Variants in PRDM2 observed in about 807,000 individuals in gnomAD.
The protein encoded by PRDM2 is PR domain zinc finger protein 2.
PRDM2 carries 30 observed loss-of-function variants against 130.0 expected under a neutral mutation model. That is an observed-to-expected ratio of 0.23 (90% confidence interval 0.17 to 0.31). The LOEUF is 0.31. Among genes scored for constraint, PRDM2 ranks in the 10% least tolerant of loss-of-function variants. The pLI, the probability that PRDM2 is intolerant of heterozygous loss-of-function variation, is 1.00. For missense variants in PRDM2, 2,011 were observed against 2,108.4 expected, an observed-to-expected ratio of 0.95 and a Z score of 0.90; for synonymous variants, 871 against 782.4, an observed-to-expected ratio of 1.11 and a Z score of -1.89.
At chr1:13,755,768 A>G (rs892412115) in intron 6 of PRDM2, among the ~76,000 whole-genome samples, 2 of 151,910 alleles carry the variant, frequency 1.3e-5, no homozygotes, top group African/African-American at 2.4e-5. Flanking sequence ...AGGAGGGTGT[A>G]GTTATTTTAT....
chr1:13,751,626 C>A (rs1643843771), intron 6 of PRDM2, among the ~76,000 whole-genome samples: 1 of 150,174 alleles, frequency 6.7e-6, no homozygotes, highest in African/African-American at 2.4e-5. Context: ...GAGAGTGAAT[C>A]AACATAAATG....
At chr1:13,705,603 T>C (rs1311589763) in intron 1 of PRDM2, 2 of 152,264 alleles carry the variant, frequency 1.3e-5, no homozygotes, top group African/African-American at 2.4e-5. Flanking sequence ...TCCATGTTGA[T>C]GGCCCGTTTG....
intron 3 of PRDM2, 29 bp from the exon 4 acceptor site, chr1:13,732,750 A>C: frequency 2.1e-6 from 3 of 1,440,556 alleles, no homozygotes; most frequent in Admixed American, 2.0e-5. Flanking sequence ...ACCATGATAC[A>C]TTATAAAAAT....
intron 1 of PRDM2, among the ~76,000 whole-genome samples, chr1:13,706,411 C>G (rs893039195): frequency 3.9e-5 from 6 of 152,204 alleles, no homozygotes; most frequent in Non-Finnish European, 8.8e-5. Context: ...TCCTTCTGGG[C>G]TGCTATGAAA....
At chr1:13,712,929 G>A (rs939019548) in intron 1 of PRDM2, among the ~76,000 whole-genome samples, 1 of 152,070 alleles carries the variant, frequency 6.6e-6, no homozygotes, top group Admixed American at 6.5e-5. Flanking sequence ...GCCCCTCACC[G>A]ACTCTGCACC....
intron 7 of PRDM2, among the ~76,000 whole-genome samples, chr1:13,777,060 A>G (rs1316429754): frequency 2.0e-5 from 3 of 152,084 alleles, no homozygotes; most frequent in Non-Finnish European, 4.4e-5. Flanking sequence ...TAAGCTCTTG[A>G]TTTCCCCCAC....
At chr1:13,751,397 A>G (rs979049783) in intron 6 of PRDM2, among the ~76,000 whole-genome samples, 2 of 152,194 alleles carry the variant, frequency 1.3e-5, no homozygotes, top group South Asian at 2.1e-4. Context: ...CTTACTGGTT[A>G]AAGAGACCTA....
chr1:13,702,279 A>G (rs1642093573), intron 1 of PRDM2, among the ~76,000 whole-genome samples: 1 of 152,194 alleles, frequency 6.6e-6, no homozygotes, highest in Non-Finnish European at 1.5e-5. Flanking sequence ...TATCCATGCC[A>G]CTAACTAGTC....
chr1:13,724,961 G>T (rs1003162640), intron 2 of PRDM2, among the ~76,000 whole-genome samples: 1 of 152,078 alleles, frequency 6.6e-6, no homozygotes, highest in Non-Finnish European at 1.5e-5. Flanking sequence ...TGAATGTTTG[G>T]ATTAAGCCCC....
At chr1:13,760,630 T>C (rs892911401) in intron 6 of PRDM2, among the ~76,000 whole-genome samples, 2 of 152,208 alleles carry the variant, frequency 1.3e-5, no homozygotes, top group Non-Finnish European at 2.9e-5. Flanking sequence ...GTTAATTGCA[T>C]TGTGACTTCG....
intron 1 of PRDM2, chr1:13,705,300 G>C (rs778746664): frequency 5.4e-5 from 8 of 148,172 alleles, no homozygotes; most frequent in Non-Finnish European, 1.2e-4. Flanking sequence ...GGCTTTTCAA[G>C]AACATTAGTA....
In PRDM2 at chr1:13,824,411, C is replaced by T. The variant is rs370579941; in HGVS notation, c.*1276C>T. The T allele has an allele frequency of 9.9e-5, 15 of 152,248 alleles. No homozygotes were observed. In the East Asian group the frequency reaches 1.5e-3, roughly 16 times the overall value. 9.4% of individuals were successfully genotyped at this position (152,248 alleles called of 1,614,324 possible). On this transcript the variant is annotated 3_prime_UTR_variant, in exon 10 of 10. Transcript: ENST00000311066. The stretch of plus-strand genomic sequence containing the variant: ...ATGTATGTAGACACTTTTAAAAGCA[C>T]GTATTTATGTCCCTGACTGTAAATG...
At chr1:13,778,230 A>T (rs545807386) in intron 7 of PRDM2, among the ~76,000 whole-genome samples, 188 bp from the exon 8 acceptor site, 247 of 152,328 alleles carry the variant, frequency 1.6e-3, no homozygotes, top group African/African-American at 5.5e-3. Context: ...TACTTGTTGA[A>T]TGAAGTGGAT....
chr1:13,818,336 C>T (rs567414456), intron 9 of PRDM2, among the ~76,000 whole-genome samples: 25 of 151,038 alleles, frequency 1.7e-4, no homozygotes, highest in Middle Eastern at 3.4e-3. Context: ...CCCTTTCTTC[C>T]TTCTGCCTGC....
chr1:13,750,462 C>T (rs1009896087), intron 6 of PRDM2, among the ~76,000 whole-genome samples: 2 of 151,702 alleles, frequency 1.3e-5, no homozygotes, highest in African/African-American at 4.8e-5. Flanking sequence ...CGAACGAGTC[C>T]ATCCTTTATC....
At chr1:13,811,545 C>T (rs1645173686) in intron 8 of PRDM2, among the ~76,000 whole-genome samples, 1 of 152,202 alleles carries the variant, frequency 6.6e-6, no homozygotes, top group Non-Finnish European at 1.5e-5. Context: ...CACCTGCAAA[C>T]CAGGGGCATC....
At chr1:13,742,320 A>G (rs564011136) in intron 5 of PRDM2, among the ~76,000 whole-genome samples, 163 bp downstream of exon 5, 10 of 151,980 alleles carry the variant, frequency 6.6e-5, no homozygotes, top group East Asian at 1.9e-4. Flanking sequence ...TCGGACCTCA[A>G]CCTCCCGAGT....
chr1:13,714,711 A>G (rs1376816593), intron 1 of PRDM2, among the ~76,000 whole-genome samples: 3 of 152,330 alleles, frequency 2.0e-5, no homozygotes, highest in East Asian at 3.9e-4. Context: ...AAGGAAAGAT[A>G]AGTTATAAGC....
intron 1 of PRDM2, among the ~76,000 whole-genome samples, chr1:13,702,535 A>G (rs1421526098): frequency 6.6e-6 from 1 of 152,342 alleles, no homozygotes; most frequent in Non-Finnish European, 1.5e-5. Context: ...AGTAACACTC[A>G]ATTTCAGCTT....
Sources: allele counts gnomAD v4.1 joint callset (sites outside exome capture counted in the v4.1 genomes callset), GRCh38; gene constraint gnomAD v4.1.1; transcripts MANE v1.5; gene names NCBI Gene and HGNC (gene_info 2026-07-23, HGNC 2026-07-21).